The following ELP3 variants were observed in gnomAD, a reference collection of about 807,000 sequenced individuals.
ELP3 encodes elongator complex protein 3.
A neutral mutation model predicts 74.9 loss-of-function variants in ELP3; 56 were observed. The observed-to-expected ratio is 0.75, with a 90% CI of 0.60 to 0.93. The LOEUF is 0.93. ELP3 is among the 40% of genes least tolerant of loss of function. ELP3 has a pLI of 0.00. For missense variants in ELP3, 573 were observed against 686.5 expected (o/e 0.83, Z 1.85); for synonymous variants, 222 against 239.8 (o/e 0.93, Z 0.68).
intron 2 of ELP3, among the ~76,000 whole-genome samples, chr8:28,098,309 C>G (rs1038034953): frequency 3.3e-5 from 5 of 152,088 alleles, no homozygotes; most frequent in Non-Finnish European, 1.5e-5. Flanking sequence ...ACAGGAATGA[C>G]CTTTTCTTAG....
chr8:28,129,791 G>A, intron 8 of ELP3, 128 bp downstream of exon 8: 1 of 1,060,692 alleles, frequency 9.4e-7, no homozygotes, highest in East Asian at 2.4e-5. Context: ...CTCCTTTTCA[G>A]AGTTCTTTCT....
intron 14 of ELP3, among the ~76,000 whole-genome samples, chr8:28,172,255 A>T (rs139770880): frequency 9.2e-5 from 14 of 152,208 alleles, no homozygotes; most frequent in African/African-American, 3.1e-4. Flanking sequence ...CATCATCTTA[A>T]CAATGTTAAG....
At chr8:28,146,878 G>A (rs755899227) in intron 10 of ELP3, among the ~76,000 whole-genome samples, 14 of 152,166 alleles carry the variant, frequency 9.2e-5, no homozygotes, top group Non-Finnish European at 1.3e-4. Context: ...AGTGGCAGAC[G>A]TAAATTTGAG....
rs1445180476 is a variant in ELP3 at position 28,155,868 on chromosome 8, T to A, written c.1101-74T>A. ...TTTATTTTTGTTCTTTTTAACTTTTTTAATATCCTTGCCTTACTGCTGTGG... is the reference window on the plus strand; with the variant it reads ...TTTATTTTTGTTCTTTTTAACTTTTATAATATCCTTGCCTTACTGCTGTGG... On this transcript the variant is annotated intron_variant, in intron 10 of 14. Transcript: ENST00000256398. The A allele has an allele frequency of 4.0e-6, 5 of 1,242,330 alleles. No individual in the cohort carries two copies. The East Asian group carries it at 1.2e-4, about 29-fold the overall frequency. The allele number at this position is 1,242,330 out of a possible 1,614,324, so 77.0% of individuals were successfully genotyped here.
intron 9 of ELP3, among the ~76,000 whole-genome samples, chr8:28,135,787 G>A (rs1287958868): frequency 6.6e-6 from 1 of 152,118 alleles, no homozygotes; most frequent in African/African-American, 2.4e-5. Flanking sequence ...TGATTGAGCA[G>A]GCCTTTCGTT....
intron 7 of ELP3, among the ~76,000 whole-genome samples, chr8:28,124,716 C>T (rs1288133353): frequency 6.6e-6 from 1 of 152,034 alleles, no homozygotes; most frequent in Non-Finnish European, 1.5e-5. Flanking sequence ...AAAATCAAAC[C>T]TCAAACAAAA....
In ELP3 at chr8:28,147,733, G is replaced by A. The variant is rs960454889; in HGVS notation, c.1101-8209G>A. The stretch of plus-strand genomic sequence containing the variant: ...CACCCAGCAGTAATAAACACAGTGA[G>A]TTCCAAGATTATAGTTTCTAAAGCC... On this transcript the variant is annotated intron_variant, in intron 10 of 14. Coordinates refer to ENST00000256398, the MANE Select transcript of ELP3 (RefSeq NM_018091.6). This position sits in a 1 kb window ranked among gnomAD's most constrained non-coding sequence, Gnocchi z 4.5. Among the ~76,000 whole-genome samples the A allele has an allele frequency of 6.6e-6, 1 of 152,098 alleles. No individual in the cohort carries two copies. Among genetic ancestry groups the A allele is most frequent in the Non-Finnish European group, 1.5e-5 (1 of 68,028 alleles).
intron 9 of ELP3, among the ~76,000 whole-genome samples, chr8:28,132,896 A>G (rs1277269375): frequency 6.6e-6 from 1 of 152,150 alleles, no homozygotes; most frequent in African/African-American, 2.4e-5. Context: ...AAATGACTTT[A>G]TGTGTATAAT....
intron 10 of ELP3, among the ~76,000 whole-genome samples, chr8:28,148,562 A>G (rs1813519516): frequency 6.6e-6 from 1 of 152,238 alleles, no homozygotes; most frequent in Non-Finnish European, 1.5e-5. Context: ...GTATGGTGTT[A>G]GCGATAGGCA....
At chr8:28,128,338 T>C (rs1345341209) in intron 7 of ELP3, among the ~76,000 whole-genome samples, 1 of 151,990 alleles carries the variant, frequency 6.6e-6, no homozygotes, top group East Asian at 1.9e-4. Flanking sequence ...TAGCTGGGTG[T>C]GGTGGCACGC....
At chr8:28,167,970 A>G (rs1049786588) in intron 14 of ELP3, among the ~76,000 whole-genome samples, 1 of 152,252 alleles carries the variant, frequency 6.6e-6, no homozygotes, top group Non-Finnish European at 1.5e-5. Context: ...GATATGGAAT[A>G]CTACTTTGCT....
At chr8:28,135,213 C>G (rs1812938958) in intron 9 of ELP3, among the ~76,000 whole-genome samples, 1 of 152,236 alleles carries the variant, frequency 6.6e-6, no homozygotes, top group Non-Finnish European at 1.5e-5. Flanking sequence ...CAGGCGTGAG[C>G]CACTGCGCCT....
intron 8 of ELP3, among the ~76,000 whole-genome samples, chr8:28,130,176 CTT>C (rs1563263334): frequency 6.6e-6 from 1 of 152,126 alleles, no homozygotes; most frequent in Non-Finnish European, 1.5e-5. Context: ...AGAAGTATAT[CTT>C]TTAGTTGAAA....
chr8:28,167,677 C>T (rs1053541810), intron 14 of ELP3, among the ~76,000 whole-genome samples: 2 of 152,168 alleles, frequency 1.3e-5, no homozygotes, highest in African/African-American at 2.4e-5. Flanking sequence ...TATGGCTTCT[C>T]AGAAAGGAAG....
At chr8:28,172,925 T>C (rs1814589292) in intron 14 of ELP3, among the ~76,000 whole-genome samples, 1 of 152,060 alleles carries the variant, frequency 6.6e-6, no homozygotes, top group East Asian at 1.9e-4. Flanking sequence ...AATTCTGTTT[T>C]GGTTTATTAC....
chr8:28,160,259 A>G lies in ELP3; in HGVS notation c.1288A>G (p.Asn430Asp), dbSNP rs577363460. Residue 430 changes from asparagine to aspartate, a missense_variant, in exon 13 of 15, where the codon AAT becomes GAT. Coordinates refer to ENST00000256398, the MANE Select transcript of ELP3 (RefSeq NM_018091.6). ...ATTGGTAAGGAGAGATTATGTTGCA[A>G]ATGGTGGCTGGGAAACATTCTTGTC... Reference protein sequence around the residue: ...VELVRRDYVANGGWETFLSYE... With the variant: ...VELVRRDYVADGGWETFLSYE... 3.7e-6 allele frequency: 6 copies of G among 1,614,154 alleles called. No individual in the cohort carries two copies. In the African/African-American group the frequency reaches 8.0e-5, roughly 22 times the overall value.
chr8:28,181,260 C>T (rs547482214), intron 14 of ELP3, among the ~76,000 whole-genome samples: 6 of 152,300 alleles, frequency 3.9e-5, no homozygotes, highest in South Asian at 2.1e-4. Flanking sequence ...TAAATACTCA[C>T]GACTCTTCTG....
chr8:28,141,607 G>A (rs1813240535), intron 10 of ELP3, among the ~76,000 whole-genome samples: 1 of 152,258 alleles, frequency 6.6e-6, no homozygotes, highest in South Asian at 2.1e-4. Flanking sequence ...ATCCTCGTAG[G>A]AAATATTTAA....
upstream of ELP3, chr8:28,090,302 C>T: frequency 4.9e-6 from 2 of 406,108 alleles, no homozygotes; most frequent in East Asian, 1.7e-4. Context: ...GCTGTTGCTT[C>T]CTGGTCTGGT....
Sources: gnomAD v4.1 joint callset for allele counts (sites outside exome capture counted in the v4.1 genomes callset) on GRCh38, gnomAD v4.1.1 for gene constraint, Gnocchi (gnomAD v3.1) non-coding constraint, MANE v1.5 for transcripts, NCBI Gene and HGNC (gene_info 2026-07-23, HGNC 2026-07-21) for gene names.